The following REV3L variants were observed in gnomAD, a reference collection of about 807,000 sequenced individuals.
REV3L encodes the protein DNA polymerase zeta catalytic subunit.
Under a neutral mutation model 299.4 loss-of-function variants are expected in REV3L, and 69 were observed. The observed-to-expected ratio is 0.23, with a 90% CI of 0.19 to 0.28. REV3L has a LOEUF of 0.28. REV3L is among the 10% of genes least tolerant of loss of function. REV3L has a pLI of 1.00. For missense variants in REV3L, 3,128 were observed against 3,693.8 expected (o/e 0.85, Z 3.97); for synonymous variants, 1,238 against 1,271.4 (o/e 0.97, Z 0.56).
chr6:111,371,122 G>C (rs1447654397), intron 13 of REV3L, among the ~76,000 whole-genome samples: 1 of 152,052 alleles, frequency 6.6e-6, no homozygotes, highest in African/African-American at 2.4e-5. Context: ...TTCTGCTTCT[G>C]AATGGATGGC....
intron 24 of REV3L, among the ~76,000 whole-genome samples, chr6:111,330,792 T>C (rs983996328): frequency 6.6e-6 from 1 of 152,164 alleles, no homozygotes; most frequent in Non-Finnish European, 1.5e-5. Context: ...TAAAAAAAAA[T>C]CTGTTTCCAT....
At chr6:111,413,949 G>A (rs1047617363) in intron 2 of REV3L, among the ~76,000 whole-genome samples, 2 of 152,030 alleles carry the variant, frequency 1.3e-5, no homozygotes, top group African/African-American at 4.8e-5. Context: ...AGATAAAGTA[G>A]ATAATTATCC....
chr6:111,309,658 G>A (rs1772737956), intron 30 of REV3L, 195 bp downstream of exon 30: 2 of 505,630 alleles, frequency 4.0e-6, no homozygotes, highest in African/African-American at 2.0e-5. Flanking sequence ...AGATCTGTGG[G>A]GGTGGAGCCC....
intron 3 of REV3L, among the ~76,000 whole-genome samples, chr6:111,411,068 A>C (rs1202973182): frequency 1.3e-5 from 2 of 152,154 alleles, no homozygotes. Context: ...AATTTCACCA[A>C]CATCTAGTAA....
At chr6:111,338,871 T>C (rs1449333021) in intron 21 of REV3L, among the ~76,000 whole-genome samples, 1 of 152,188 alleles carries the variant, frequency 6.6e-6, no homozygotes, top group African/African-American at 2.4e-5. Flanking sequence ...TTTTGAAGAA[T>C]ATAGTCTAAG....
intron 1 of REV3L, among the ~76,000 whole-genome samples, chr6:111,437,365 A>G (rs575524588): frequency 6.6e-6 from 1 of 152,180 alleles, no homozygotes; most frequent in Non-Finnish European, 1.5e-5. Flanking sequence ...GAATGGATAA[A>G]TACAATACAG....
At position 111,309,947 on chromosome 6, in the gene REV3L, G is replaced by A; in HGVS notation, c.8948C>T (p.Thr2983Ile). 6.2e-7 allele frequency: 1 copy of A among 1,614,070 alleles called. No homozygotes were observed. The highest frequency in any genetic ancestry group is 8.5e-7 in the Non-Finnish European group (1 of 1,179,986). ...AAGGATTTGCTTGGTAATATAGTAA[G>A]TAGCATTCAGTCTCAGAGTTGGGTC... ...LQDPTLRLNA[T>I]YYITKQILPP... The change falls in exon 30 of 32, where the codon ACT (threonine) becomes ATT (isoleucine). Residue 2983 changes from threonine to isoleucine, a missense_variant. Thr to Ile is a moderately conservative substitution (Grantham distance 89). Around this residue, in one of 9 missense-constraint regions of REV3L, gnomAD observed 294 missense variants for 377.0 expected, o/e 0.78. Coordinates refer to ENST00000368802, the MANE Select transcript of REV3L (RefSeq NM_001372078.1).
At chr6:111,387,423 G>C (rs565739760) in intron 9 of REV3L, among the ~76,000 whole-genome samples, 1 of 152,230 alleles carries the variant, frequency 6.6e-6, no homozygotes, top group Admixed American at 6.5e-5. Flanking sequence ...TAAACTTCAA[G>C]CTGCTTAAAA....
intron 9 of REV3L, among the ~76,000 whole-genome samples, chr6:111,382,538 AT>A (rs1401620204): frequency 6.6e-6 from 1 of 152,196 alleles, no homozygotes. Flanking sequence ...TGAGGAGAGG[AT>A]TTGACCAGCC....
At chr6:111,480,326 T>C (rs1793464509) in intron 1 of REV3L, among the ~76,000 whole-genome samples, 1 of 152,236 alleles carries the variant, frequency 6.6e-6, no homozygotes, top group African/African-American at 2.4e-5. Context: ...TATCTTTGCA[T>C]TATGTTTACA....
chr6:111,336,121 A>T lies in REV3L; in HGVS notation c.7539-511T>A, dbSNP rs572844206. 5.3e-5 allele frequency among the ~76,000 whole-genome samples: 8 copies of T among 151,966 alleles called. No homozygotes were observed. In the South Asian group the frequency reaches 1.2e-3, roughly 24 times the overall value. On this transcript the variant is annotated intron_variant, in intron 21 of 31. Coordinates refer to ENST00000368802, the MANE Select transcript of REV3L (RefSeq NM_001372078.1). ...AAAATCAGGAACATAAATTTTAGTG[A>T]GATAATACATGGGTTAAACATATTT...
At chr6:111,370,756 C>A (rs1165189410) in intron 13 of REV3L, among the ~76,000 whole-genome samples, 1 of 151,966 alleles carries the variant, frequency 6.6e-6, no homozygotes, top group East Asian at 1.9e-4. Flanking sequence ...AAGGAAGGTA[C>A]AGAAGTTTCC....
intron 21 of REV3L, among the ~76,000 whole-genome samples, chr6:111,343,552 TAG>T (rs1272007705): frequency 6.6e-6 from 1 of 152,116 alleles, no homozygotes; most frequent in Non-Finnish European, 1.5e-5. Context: ...TTTTTTGAGA[TAG>T]AGTCTCACTC....
chr6:111,405,403 A>C, intron 4 of REV3L, 67 bp downstream of exon 4: 1 of 943,374 alleles, frequency 1.1e-6, no homozygotes, highest in South Asian at 2.5e-5. Flanking sequence ...TAAATCACTG[A>C]CTATATAACA....
At chr6:111,395,959 T>A (rs1782454974) in intron 4 of REV3L, among the ~76,000 whole-genome samples, 1 of 152,212 alleles carries the variant, frequency 6.6e-6, no homozygotes, top group Admixed American at 6.5e-5. Context: ...ATGGTTTTTG[T>A]CCTTCATTCT....
chr6:111,412,426 G>T (rs1176274723), intron 2 of REV3L: 5 of 189,242 alleles, frequency 2.6e-5, no homozygotes, highest in Non-Finnish European at 3.9e-5. Context: ...CTGATATACA[G>T]AACACTATTT....
chr6:111,313,540 G>C (rs771283371), intron 27 of REV3L, 51 bp from the exon 28 acceptor site: 2 of 1,522,874 alleles, frequency 1.3e-6, no homozygotes, highest in South Asian at 1.3e-5. Flanking sequence ...CCCCCACCAA[G>C]AATGTTTTAT....
intron 9 of REV3L, among the ~76,000 whole-genome samples, chr6:111,386,302 T>C (rs1278025465): frequency 1.3e-5 from 2 of 152,140 alleles, no homozygotes; most frequent in Non-Finnish European, 2.9e-5. Context: ...GCAGCTAAAA[T>C]GAATGAACAA....
chr6:111,388,536 T>A (rs1781572154), intron 7 of REV3L, among the ~76,000 whole-genome samples: 1 of 152,212 alleles, frequency 6.6e-6, no homozygotes. Flanking sequence ...TTGAATGATG[T>A]CGTTCACTCT....
Sources: gnomAD v4.1 joint callset for allele counts (sites outside exome capture counted in the v4.1 genomes callset) on GRCh38, gnomAD v4.1.1 for gene constraint, gnomAD v4.1.1 regional missense constraint, MANE v1.5 for transcripts, NCBI Gene and HGNC (gene_info 2026-07-23, HGNC 2026-07-21) for gene names.